BAIAP2: variants seen among roughly 807,000 people sequenced by gnomAD.
BAIAP2 encodes the protein BAR/IMD domain-containing adapter protein 2.
BAIAP2 carries 18 observed loss-of-function variants against 63.0 expected under a neutral mutation model. The ratio of observed to expected loss-of-function variants is 0.29; its 90% CI spans 0.20 to 0.42. The LOEUF (loss-of-function observed/expected upper bound fraction) is 0.42, where lower values mean the gene tolerates loss of function less well. BAIAP2 is among the 10% of genes least tolerant of loss of function. The pLI is 1.00. For missense variants in BAIAP2, 610 were observed against 734.3 expected, an observed-to-expected ratio of 0.83 and a Z score of 1.96; for synonymous variants, 386 against 307.6, an observed-to-expected ratio of 1.25 and a Z score of -2.67.
intron 6 of BAIAP2, among the ~76,000 whole-genome samples, chr17:81,095,255 C>G (rs1030471176): frequency 1.3e-5 from 2 of 152,154 alleles, no homozygotes; most frequent in Non-Finnish European, 1.5e-5. Context: ...TGTAAATGGC[C>G]GGGCTGCCAG....
At chr17:81,053,124 G>A (rs779648679) in intron 1 of BAIAP2, among the ~76,000 whole-genome samples, 10 of 152,212 alleles carry the variant, frequency 6.6e-5, no homozygotes, top group Non-Finnish European at 1.3e-4. Flanking sequence ...CGAGATGCCC[G>A]TCCGTCGGGC....
intron 3 of BAIAP2, among the ~76,000 whole-genome samples, chr17:81,060,155 G>A (rs944732578): frequency 3.3e-5 from 5 of 152,206 alleles, no homozygotes; most frequent in Non-Finnish European, 7.3e-5. Flanking sequence ...CTGGGAGTCA[G>A]GTTTTCTTCC....
chr17:81,078,090 T>C, intron 3 of BAIAP2, among the ~76,000 whole-genome samples: 1 of 141,818 alleles, frequency 7.1e-6, no homozygotes, highest in African/African-American at 2.7e-5. Context: ...GCACTCTGGG[T>C]GCCGGTGCGG....
rs771411152 is a variant in BAIAP2 at position 81,116,226 on chromosome 17, C to T, written c.*387C>T. On this transcript the variant is annotated 3_prime_UTR_variant, in exon 14 of 14. Transcript: ENST00000428708. ...GCCTAATAAACAGGCTTCTCCTGCA[C>T]CAGGTGTGATCTGTCCGCCCAAGGG... 2 of 1,612,214 alleles carry T rather than the reference C, an allele frequency of 1.2e-6. No individual in the cohort carries two copies. Among genetic ancestry groups the T allele is most frequent in the East Asian group, 4.5e-5 (2 of 44,892 alleles).
At chr17:81,067,171 C>A (rs1474421696) in intron 3 of BAIAP2, among the ~76,000 whole-genome samples, 1 of 152,252 alleles carries the variant, frequency 6.6e-6, no homozygotes, top group South Asian at 2.1e-4. Context: ...CCCTTCCCCC[C>A]CACACTATTC....
chr17:81,053,318 G>C (rs542390805), intron 1 of BAIAP2: 5 of 259,314 alleles, frequency 1.9e-5, no homozygotes. Context: ...TGACTCAGCC[G>C]CGCCAATGGG....
chr17:81,055,980 C>A (rs2049487366), intron 2 of BAIAP2, among the ~76,000 whole-genome samples: 1 of 152,290 alleles, frequency 6.6e-6, no homozygotes, highest in Admixed American at 6.5e-5. Context: ...CCTGTGGCAG[C>A]TCTGAGGGTC....
chr17:81,047,854 A>G (rs1450303412), intron 1 of BAIAP2, among the ~76,000 whole-genome samples: 1 of 152,274 alleles, frequency 6.6e-6, no homozygotes, highest in Non-Finnish European at 1.5e-5. Context: ...ATGCACAGGT[A>G]AACGCATGCA....
chr17:81,109,422 C>CT (rs1217928273), intron 13 of BAIAP2: 352 of 978,712 alleles, frequency 3.6e-4, no homozygotes, highest in African/African-American at 1.7e-3. Context: ...GGAAAAAGGA[C>CT]TTTTTTTTTC....
At chr17:81,084,612 C>T (rs747280324) in intron 3 of BAIAP2, among the ~76,000 whole-genome samples, 14 of 152,190 alleles carry the variant, frequency 9.2e-5, no homozygotes, top group Non-Finnish European at 1.3e-4. Flanking sequence ...AGATGCCAGG[C>T]GTGCTGTGCA....
intron 7 of BAIAP2, among the ~76,000 whole-genome samples, chr17:81,102,055 A>T (rs1272135784): frequency 3.3e-5 from 5 of 151,092 alleles, no homozygotes; most frequent in African/African-American, 4.8e-5. Flanking sequence ...CAGGTCTCCC[A>T]GGAGGGGTTG....
At chr17:81,083,366 G>T (rs1270322142) in intron 3 of BAIAP2, 2 of 152,282 alleles carry the variant, frequency 1.3e-5, no homozygotes, top group Non-Finnish European at 2.9e-5. Context: ...CCTGCCAGCA[G>T]CAGGGGCGGC....
chr17:81,037,072 G>T, intron 1 of BAIAP2: 1 of 900,754 alleles, frequency 1.1e-6, no homozygotes, highest in Non-Finnish European at 1.7e-6. Flanking sequence ...TAATTTATCT[G>T]CAGGTCTAAG....
intron 13 of BAIAP2, among the ~76,000 whole-genome samples, chr17:81,115,394 G>T (rs926249243): frequency 1.3e-5 from 2 of 152,214 alleles, no homozygotes; most frequent in East Asian, 3.9e-4. Flanking sequence ...ACTGGTGTGT[G>T]CCCGGTTCAG....
At chr17:81,105,349 G>T (rs2059048826) in intron 10 of BAIAP2, 1 of 153,922 alleles carries the variant, frequency 6.5e-6, no homozygotes, top group Non-Finnish European at 1.4e-5. Flanking sequence ...TCCAGCCGAA[G>T]CCCTGTGGTG....
chr17:81,057,528 T>G, intron 2 of BAIAP2: 1 of 547,250 alleles, frequency 1.8e-6, no homozygotes, highest in Non-Finnish European at 2.4e-6. Flanking sequence ...TTGCCCAGGG[T>G]TGGTTCTTTG....
rs1338268654 is a variant in BAIAP2, at chr17:81,072,325, C to T, written c.218-12507C>T. Among the ~76,000 whole-genome samples the T allele has an allele frequency of 6.6e-5, 10 of 152,268 alleles. No individual in the cohort carries two copies. In the South Asian group the frequency reaches 1.0e-3, roughly 16 times the overall value. The stretch of plus-strand genomic sequence containing the variant: ...TGCTCCTTCACCTCCTCCTGCGCAG[C>T]CCGGCCTGACCCATGTAATCAGGGA... On this transcript the variant is annotated intron_variant, in intron 3 of 13. Transcript: ENST00000428708.
At chr17:81,111,322 G>A (rs886769528) in intron 13 of BAIAP2, among the ~76,000 whole-genome samples, 3 of 152,348 alleles carry the variant, frequency 2.0e-5, no homozygotes, top group Middle Eastern at 3.4e-3. Flanking sequence ...GGCCTTTCCC[G>A]CCTGACTCGC....
At chr17:81,057,811 C>T in intron 2 of BAIAP2, 70 bp from the exon 3 acceptor site, 1 of 1,552,668 alleles carries the variant, frequency 6.4e-7, no homozygotes, top group Non-Finnish European at 8.7e-7. Context: ...GCCAAGACTG[C>T]CGTGTTTTTG....
Sources: allele counts gnomAD v4.1 joint callset (sites outside exome capture counted in the v4.1 genomes callset), GRCh38; gene constraint gnomAD v4.1.1; transcripts MANE v1.5; gene names NCBI Gene and HGNC (gene_info 2026-07-23, HGNC 2026-07-21).